The following PXDNL variants were observed in gnomAD, a reference collection of about 807,000 sequenced individuals.
PXDNL encodes the protein probable oxidoreductase PXDNL.
In PXDNL, 145 loss-of-function variants were observed where a neutral mutation model predicts 150.8. That is an observed-to-expected ratio of 0.96 (90% confidence interval 0.84 to 1.10). PXDNL has a LOEUF of 1.10. Among genes scored for constraint, PXDNL ranks in the 50% least tolerant of loss-of-function variants. PXDNL has a pLI of 0.00. For synonymous variants in PXDNL, 757 were observed against 725.7 expected (o/e 1.04, Z -0.69); for missense variants, 2,087 against 1,873.9 (o/e 1.11, Z -2.10).
At chr8:51,536,481 G>A (rs1009725130) in intron 4 of PXDNL, among the ~76,000 whole-genome samples, 1 of 152,164 alleles carries the variant, frequency 6.6e-6, no homozygotes, top group Non-Finnish European at 1.5e-5. Flanking sequence ...AGGCTGAAAT[G>A]AAAAAGGTAA....
At chr8:51,646,423 C>T (rs976785590) in intron 2 of PXDNL, among the ~76,000 whole-genome samples, 1 of 152,130 alleles carries the variant, frequency 6.6e-6, no homozygotes, top group African/African-American at 2.4e-5. Context: ...CCAGCTAATA[C>T]AAGTGATAAC....
chr8:51,375,244 A>C (rs536181363), intron 17 of PXDNL, among the ~76,000 whole-genome samples: 1 of 152,352 alleles, frequency 6.6e-6, no homozygotes, highest in South Asian at 2.1e-4. Flanking sequence ...AAAGGCAATA[A>C]GTATTTGACC....
intron 1 of PXDNL, among the ~76,000 whole-genome samples, chr8:51,745,205 C>T (rs564285943): frequency 1.5e-4 from 23 of 152,170 alleles, no homozygotes; most frequent in African/African-American, 5.1e-4. Flanking sequence ...AAATATAAAA[C>T]CGGCTCTAGA....
intron 15 of PXDNL, 90 bp from the exon 16 acceptor site, chr8:51,411,497 C>T: frequency 8.3e-7 from 1 of 1,202,770 alleles, no homozygotes; most frequent in South Asian, 1.9e-5. Flanking sequence ...AAGGCATTTC[C>T]CAAACATTCG....
At chr8:51,746,840 G>T (rs2036988932) in intron 1 of PXDNL, among the ~76,000 whole-genome samples, 1 of 152,104 alleles carries the variant, frequency 6.6e-6, no homozygotes. Flanking sequence ...TCCCACCTCA[G>T]CCTCCCAAGT....
chr8:51,320,839 G>A lies in PXDNL; in HGVS notation c.4205C>T (p.Pro1402Leu). Residue 1402 changes from proline to leucine, a missense_variant, in exon 22 of 23, where the codon CCA becomes CTA. By Grantham distance (98) the Pro-to-Leu change is moderately conservative (BLOSUM62 -3). Coordinates refer to ENST00000356297, the MANE Select transcript of PXDNL (RefSeq NM_144651.5). ...QAGCTDVRGV[P>L]RKAEERWMKE... The stretch of plus-strand genomic sequence containing the variant: ...CATCCAGCGCTCCTCGGCCTTCCTT[G>A]GAACCCCTCTAACATCTGTACACCC... 6.2e-7 allele frequency: 1 copy of A among 1,613,880 alleles called. No homozygotes were observed. Among genetic ancestry groups the A allele is most frequent in the Non-Finnish European group, 8.5e-7 (1 of 1,179,846 alleles).
chr8:51,800,718 A>T (rs13340640), intron 1 of PXDNL, among the ~76,000 whole-genome samples: 30,492 of 152,112 alleles, frequency 0.2, 4,817 homozygotes, highest in African/African-American at 0.43. Context: ...CTCTGAACAT[A>T]AATTGTGAAG....
At chr8:51,804,965 G>A (rs577013471) in intron 1 of PXDNL, among the ~76,000 whole-genome samples, 18 of 151,562 alleles carry the variant, frequency 1.2e-4, no homozygotes, top group South Asian at 1.0e-3. Context: ...TCCTGCTTGG[G>A]CTCCATCCAC....
rs757550031 is a variant in PXDNL at position 51,495,896 on chromosome 8, C to T, written c.452+3803G>A. ...TTCCTTCTGAAACTATTCCAATCAA[C>T]AGAAAAAGAGGGAATCCTCTCTAAC... On this transcript the variant is annotated intron_variant, in intron 5 of 22. Coordinates refer to ENST00000356297, the MANE Select transcript of PXDNL (RefSeq NM_144651.5). 1.2e-4 allele frequency among the ~76,000 whole-genome samples: 19 copies of T among 152,198 alleles called. No homozygotes were observed. The South Asian group carries it at 2.1e-3, about 17-fold the overall frequency.
rs1812113739 is a variant in PXDNL, at chr8:51,537,742, G to A, written c.380+19098C>T. Among the ~76,000 whole-genome samples, 3 of 152,290 alleles carry A rather than the reference G, an allele frequency of 2.0e-5. No homozygotes were observed. The South Asian group carries it at 6.2e-4, about 32-fold the overall frequency. On this transcript the variant is annotated intron_variant, in intron 4 of 22. Transcript: ENST00000356297. ...ACAAACTTGGGCATTTTCAAAGTAAGTTATGCTCTTTACATCATACGGGTT... is the reference window on the plus strand; with the variant it reads ...ACAAACTTGGGCATTTTCAAAGTAAATTATGCTCTTTACATCATACGGGTT...
intron 21 of PXDNL, among the ~76,000 whole-genome samples, chr8:51,332,410 A>G (rs141057850): frequency 1.2e-3 from 183 of 152,286 alleles, no homozygotes; most frequent in African/African-American, 4.2e-3. Flanking sequence ...TAATATGACA[A>G]CACAAGGCTC....
chr8:51,608,205 T>A (rs953681395), intron 2 of PXDNL, among the ~76,000 whole-genome samples: 1 of 137,748 alleles, frequency 7.3e-6, no homozygotes, highest in African/African-American at 2.8e-5. Flanking sequence ...CTGGCTAACA[T>A]GGTGAAACCC....
At chr8:51,351,632 C>A (rs957998014) in intron 19 of PXDNL, among the ~76,000 whole-genome samples, 2 of 152,176 alleles carry the variant, frequency 1.3e-5, no homozygotes, top group Non-Finnish European at 2.9e-5. Context: ...CGCAGCACAT[C>A]ACACCTTCCG....
intron 21 of PXDNL, among the ~76,000 whole-genome samples, chr8:51,337,881 A>G (rs1805875601): frequency 6.8e-6 from 1 of 148,034 alleles, no homozygotes. Context: ...TCAAAAAAAA[A>G]AAAAGCACAT....
intron 1 of PXDNL, among the ~76,000 whole-genome samples, chr8:51,733,590 T>C (rs1420966998): frequency 6.6e-6 from 1 of 151,968 alleles, no homozygotes; most frequent in African/African-American, 2.4e-5. Flanking sequence ...GGCAGATCAC[T>C]TGAGGTCAGG....
At chr8:51,703,602 C>T (rs983928183) in intron 1 of PXDNL, among the ~76,000 whole-genome samples, 14 of 152,148 alleles carry the variant, frequency 9.2e-5, no homozygotes, top group African/African-American at 3.4e-4. Context: ...ATCTGGTATG[C>T]TTGATAAAAA....
At chr8:51,335,683 A>G in intron 21 of PXDNL, among the ~76,000 whole-genome samples, 1 of 36,502 alleles carries the variant, frequency 2.7e-5, no homozygotes, top group Admixed American at 2.1e-4. Flanking sequence ...TATATACCCT[A>G]CACACACACA....
chr8:51,328,363 G>C (rs1805583176), intron 21 of PXDNL, among the ~76,000 whole-genome samples: 1 of 152,154 alleles, frequency 6.6e-6, no homozygotes, highest in South Asian at 2.1e-4. Context: ...GTTGCTGGAG[G>C]CTTCCTTCAC....
chr8:51,731,335 A>G (rs1816925990), intron 1 of PXDNL, among the ~76,000 whole-genome samples: 1 of 152,180 alleles, frequency 6.6e-6, no homozygotes, highest in East Asian at 1.9e-4. Flanking sequence ...AAAGCTGCAA[A>G]ATGATCTCCA....
Sources: gnomAD v4.1 joint callset for allele counts (sites outside exome capture counted in the v4.1 genomes callset) on GRCh38, gnomAD v4.1.1 for gene constraint, MANE v1.5 for transcripts, NCBI Gene and HGNC (gene_info 2026-07-23, HGNC 2026-07-21) for gene names.